Variants in MYO3A observed in about 807,000 individuals in gnomAD.
MYO3A encodes the protein myosin IIIA.
A neutral mutation model predicts 192.7 loss-of-function variants in MYO3A; 180 were observed. That is an observed-to-expected ratio of 0.93 (90% CI 0.83 to 1.06). The LOEUF is 1.06. Among genes scored for constraint, MYO3A ranks in the 50% least tolerant of loss-of-function variants. The probability of loss-of-function intolerance (pLI) is 0.00; values close to 1 mark genes in which losing one functional copy is unlikely to be tolerated. For synonymous variants in MYO3A, 628 were observed against 645.3 expected (o/e 0.97, Z 0.41); for missense variants, 1,896 against 1,905.0 (o/e 1.00, Z 0.09).
chr10:26,067,054 AC>A lies in MYO3A; in HGVS notation c.1036del (p.Leu346Ter), dbSNP rs749642387. ...TCTGAAGGATGTAGATGATTTAGCAACCCTAGAAATTTTGGATGAGGTAAGA... is the reference window on the plus strand; with the variant it reads ...TCTGAAGGATGTAGATGATTTAGCAACCTAGAAATTTTGGATGAGGTAAGA... ...SNLKDVDDLA[T>X]LEILDENTVS... On this transcript the variant is annotated frameshift_variant, in exon 11 of 35. Transcript: ENST00000642920. LOFTEE classifies it high-confidence loss of function. 6.2e-7 allele frequency: 1 copy of A among 1,611,102 alleles called. No individual in the cohort carries two copies. The highest frequency in any genetic ancestry group is 1.1e-5 in the South Asian group (1 of 91,014).
chr10:26,052,980 A>G (rs1017768534), intron 10 of MYO3A, among the ~76,000 whole-genome samples: 4 of 152,226 alleles, frequency 2.6e-5, no homozygotes, highest in African/African-American at 4.8e-5. Context: ...AAAATATAAT[A>G]TGGTTAACAA....
intron 15 of MYO3A, among the ~76,000 whole-genome samples, chr10:26,089,329 C>T (rs971953601): frequency 1.3e-5 from 2 of 152,096 alleles, no homozygotes; most frequent in African/African-American, 4.8e-5. Context: ...AGGCCGGGCA[C>T]AGTGGCTCAC....
chr10:26,120,844 A>AT (rs1564569253), intron 18 of MYO3A, 42 bp downstream of exon 18: 8 of 1,606,970 alleles, frequency 5.0e-6, no homozygotes, highest in Non-Finnish European at 6.8e-6. Flanking sequence ...AATCTTTCAA[A>AT]TCTTATGACA....
intron 10 of MYO3A, among the ~76,000 whole-genome samples, chr10:26,045,614 A>AGTGTTG (rs1843597162): frequency 6.6e-6 from 1 of 152,188 alleles, no homozygotes; most frequent in Non-Finnish European, 1.5e-5. Context: ...CTTTTGTTAT[A>AGTGTTG]GTGTTGGGGT....
chr10:25,976,853 C>T (rs905967427), intron 4 of MYO3A, among the ~76,000 whole-genome samples: 1 of 152,070 alleles, frequency 6.6e-6, no homozygotes, highest in Non-Finnish European at 1.5e-5. Context: ...CTAAATACGA[C>T]ATAATTCATT....
chr10:26,130,392 T>A (rs894191666), intron 20 of MYO3A, among the ~76,000 whole-genome samples: 1 of 152,232 alleles, frequency 6.6e-6, no homozygotes, highest in Non-Finnish European at 1.5e-5. Flanking sequence ...ATTACAGGCA[T>A]GAGCCACCAA....
At chr10:26,211,775 C>T in intron 34 of MYO3A, 68 bp from the exon 35 acceptor site, 4 of 1,602,176 alleles carry the variant, frequency 2.5e-6, no homozygotes, top group South Asian at 1.1e-5. Flanking sequence ...CCGCCTAACT[C>T]GGGGTAGGTG....
chr10:26,054,335 G>A (rs1204267103), intron 10 of MYO3A, among the ~76,000 whole-genome samples: 2 of 152,172 alleles, frequency 1.3e-5, no homozygotes, highest in Non-Finnish European at 2.9e-5. Flanking sequence ...TTTAGATGGA[G>A]AGCACAATAT....
intron 10 of MYO3A, among the ~76,000 whole-genome samples, chr10:26,048,421 A>T (rs539607429): frequency 6.6e-6 from 1 of 152,092 alleles, no homozygotes; most frequent in African/African-American, 2.4e-5. Flanking sequence ...AGAAAGAAAG[A>T]TAGGGAAATA....
At chr10:26,085,440 G>A (rs1030113030) in intron 14 of MYO3A, among the ~76,000 whole-genome samples, 1 of 152,058 alleles carries the variant, frequency 6.6e-6, no homozygotes, top group African/African-American at 2.4e-5. Context: ...CCATAGGCTT[G>A]GTATGTTGTG....
intron 17 of MYO3A, among the ~76,000 whole-genome samples, chr10:26,105,400 T>G (rs1343150576): frequency 6.6e-6 from 1 of 152,132 alleles, no homozygotes; most frequent in East Asian, 1.9e-4. Flanking sequence ...TATTTCCTAG[T>G]CTGGTGGGTG....
At chr10:26,086,604 G>A (rs559841089) in intron 14 of MYO3A, among the ~76,000 whole-genome samples, 1 of 152,038 alleles carries the variant, frequency 6.6e-6, no homozygotes, top group Admixed American at 6.5e-5. Context: ...CCTTTCGGGA[G>A]TGGAAGAGCC....
At chr10:26,045,844 C>T (rs1843609425) in intron 10 of MYO3A, among the ~76,000 whole-genome samples, 2 of 152,162 alleles carry the variant, frequency 1.3e-5, no homozygotes, top group South Asian at 4.2e-4. Context: ...AATCTCGTTT[C>T]TACAAGGTTG....
At chr10:25,976,266 T>G (rs1490839038) in intron 4 of MYO3A, among the ~76,000 whole-genome samples, 1 of 152,156 alleles carries the variant, frequency 6.6e-6, no homozygotes, top group Non-Finnish European at 1.5e-5. Flanking sequence ...GATTAGTGTT[T>G]CCAAAAGACT....
intron 3 of MYO3A, among the ~76,000 whole-genome samples, chr10:25,954,367 G>A (rs1837402475): frequency 6.6e-6 from 1 of 151,998 alleles, no homozygotes. Context: ...GATCACTAAA[G>A]GTTTTGTGCA....
intron 21 of MYO3A, 57 bp from the exon 22 acceptor site, chr10:26,145,389 A>G: frequency 8.4e-7 from 1 of 1,194,306 alleles, no homozygotes; most frequent in Non-Finnish European, 1.2e-6. Flanking sequence ...TAATTTTCGC[A>G]GTATTTTTTG....
Position 26,050,786 on chromosome 10 carries a change from T to C in MYO3A, c.954-16189T>C, listed in dbSNP as rs1027851649. On this transcript the variant is annotated intron_variant, in intron 10 of 34. Coordinates refer to ENST00000642920, the MANE Select transcript of MYO3A (RefSeq NM_017433.5). ...TAGCCTCCAGACATCTGATTCCTTT[T>C]CAAAAGCACACAAATCCTCTCACCC... is the stretch of plus-strand genomic sequence containing the variant. 2.7e-5 allele frequency among the ~76,000 whole-genome samples: 4 copies of C among 146,818 alleles called. No homozygotes were observed. The South Asian group carries it at 8.4e-4, about 31-fold the overall frequency.
intron 14 of MYO3A, among the ~76,000 whole-genome samples, chr10:26,074,659 G>A (rs369229634): frequency 6.1e-5 from 9 of 147,510 alleles, no homozygotes; most frequent in South Asian, 2.1e-4. Context: ...GTAATATATC[G>A]TTTGCAAATA....
chr10:26,048,998 AAGAGC>A (rs1163507513), intron 10 of MYO3A, among the ~76,000 whole-genome samples: 2 of 152,162 alleles, frequency 1.3e-5, no homozygotes, highest in Non-Finnish European at 2.9e-5. Context: ...TCAAGGGAGG[AAGAGC>A]AGAGAATGTG....
Sources: allele counts gnomAD v4.1 joint callset (sites outside exome capture counted in the v4.1 genomes callset), GRCh38; gene constraint gnomAD v4.1.1; transcripts MANE v1.5; gene names NCBI Gene and HGNC (gene_info 2026-07-23, HGNC 2026-07-21).